Variants in SMAP1 observed in about 807,000 individuals in gnomAD.
The protein encoded by SMAP1 is small ArfGAP 1, also known as stromal membrane-associated protein 1.
In SMAP1, 24 loss-of-function variants were observed where a neutral mutation model predicts 58.5. The ratio of observed to expected loss-of-function variants is 0.41; its 90% CI spans 0.30 to 0.58. SMAP1 has a LOEUF of 0.58. Among genes scored for constraint, SMAP1 ranks in the 20% least tolerant of loss-of-function variants. The pLI, the probability that SMAP1 is intolerant of heterozygous loss-of-function variation, is 0.29. For missense variants in SMAP1, 563 were observed against 566.3 expected, an observed-to-expected ratio of 0.99 and a Z score of 0.06; for synonymous variants, 216 against 196.6, an observed-to-expected ratio of 1.10 and a Z score of -0.82.
intron 1 of SMAP1, among the ~76,000 whole-genome samples, chr6:70,713,434 C>G (rs1577110): frequency 6.6e-6 from 1 of 151,830 alleles, no homozygotes; most frequent in East Asian, 1.9e-4. Flanking sequence ...TGCTGTATCA[C>G]GTAAGTTTTG....
In SMAP1 at chr6:70,810,264, C is replaced by G. The variant is rs544283086; in HGVS notation, c.576+11527C>G. Among the ~76,000 whole-genome samples, 201 of 152,284 alleles carry G rather than the reference C, an allele frequency of 1.3e-3. 2 individuals are homozygous for G. The highest frequency in any genetic ancestry group is 4.6e-3 in the African/African-American group (193 of 41,540). On this transcript the variant is annotated intron_variant, in intron 6 of 10. Transcript: ENST00000370455. ...AGGATCCTTCTGTCTCAGCCTTCTG[C>G]ACCTGACTAGCTGGGACTGCAGGCA... is the stretch of plus-strand genomic sequence containing the variant.
At chr6:70,805,282 T>G (rs1287853601) in intron 6 of SMAP1, among the ~76,000 whole-genome samples, 3 of 152,212 alleles carry the variant, frequency 2.0e-5, no homozygotes, top group Non-Finnish European at 2.9e-5. Context: ...TTCCTTCCAC[T>G]TGATCAAATC....
chr6:70,831,614 C>T (rs934672613), intron 6 of SMAP1, among the ~76,000 whole-genome samples: 14 of 152,126 alleles, frequency 9.2e-5, no homozygotes, highest in Admixed American at 3.3e-4. Context: ...TTTTTTATGG[C>T]TGTATAGTAT....
At chr6:70,671,581 G>A (rs1419684213) in intron 1 of SMAP1, among the ~76,000 whole-genome samples, 1 of 152,018 alleles carries the variant, frequency 6.6e-6, no homozygotes, top group Non-Finnish European at 1.5e-5. Context: ...CCGTCTCAGG[G>A]AAAAACAAAA....
At chr6:70,749,263 G>C (rs957194807) in intron 2 of SMAP1, among the ~76,000 whole-genome samples, 27 of 152,076 alleles carry the variant, frequency 1.8e-4, no homozygotes, top group Non-Finnish European at 3.7e-4. Flanking sequence ...GAACAGCATG[G>C]GGGAACAGAT....
chr6:70,857,280 C>T (rs1771467092), intron 9 of SMAP1: 1 of 306,924 alleles, frequency 3.3e-6, no homozygotes, highest in Non-Finnish European at 6.0e-6. Context: ...GTTTCACAAG[C>T]TTATAGAACA....
chr6:70,806,862 A>G (rs930475411), intron 6 of SMAP1, among the ~76,000 whole-genome samples: 1 of 152,208 alleles, frequency 6.6e-6, no homozygotes, highest in Non-Finnish European at 1.5e-5. Context: ...CGAAGGACCT[A>G]AAGTCTCTCA....
intron 4 of SMAP1, among the ~76,000 whole-genome samples, chr6:70,780,541 G>A (rs915137797): frequency 2.6e-5 from 4 of 152,090 alleles, no homozygotes; most frequent in Non-Finnish European, 5.9e-5. Context: ...TGATCACACC[G>A]CTGTACTACT....
chr6:70,676,771 A>G (rs1334255012), intron 1 of SMAP1, among the ~76,000 whole-genome samples: 1 of 152,088 alleles, frequency 6.6e-6, no homozygotes, highest in Non-Finnish European at 1.5e-5. Context: ...ACTAAAGTTT[A>G]TTTTATTTAT....
At chr6:70,822,014 T>C (rs1364611023) in intron 6 of SMAP1, among the ~76,000 whole-genome samples, 1 of 152,194 alleles carries the variant, frequency 6.6e-6, no homozygotes, top group African/African-American at 2.4e-5. Context: ...TGCAGAGCTT[T>C]CATTTCCTAG....
chr6:70,787,849 T>G (rs74909977), intron 4 of SMAP1, among the ~76,000 whole-genome samples: 102,228 of 150,840 alleles, frequency 0.68, 35,966 homozygotes, highest in African/African-American at 0.87. Context: ...TACACTGTTG[T>G]TGGGACTGTA....
intron 6 of SMAP1, among the ~76,000 whole-genome samples, chr6:70,802,405 A>G (rs535241442): frequency 2.6e-5 from 4 of 152,256 alleles, no homozygotes; most frequent in East Asian, 1.9e-4. Flanking sequence ...AGGAGATTTT[A>G]GGCTGAGACG....
At chr6:70,715,322 C>T (rs2149841358) in intron 1 of SMAP1, among the ~76,000 whole-genome samples, 1 of 152,116 alleles carries the variant, frequency 6.6e-6, no homozygotes, top group African/African-American at 2.4e-5. Flanking sequence ...TCTCAAACTC[C>T]TGGGCTCAGT....
chr6:70,706,866 G>A (rs1054406620), intron 1 of SMAP1, among the ~76,000 whole-genome samples: 3 of 152,108 alleles, frequency 2.0e-5, no homozygotes, highest in African/African-American at 7.2e-5. Flanking sequence ...GAATAAATGA[G>A]TTGCTAATGT....
chr6:70,714,280 T>C (rs898024836), intron 1 of SMAP1, among the ~76,000 whole-genome samples: 2 of 152,164 alleles, frequency 1.3e-5, no homozygotes, highest in Admixed American at 6.5e-5. Flanking sequence ...TGTTAACTGT[T>C]TTCTGTTTGT....
intron 1 of SMAP1, among the ~76,000 whole-genome samples, chr6:70,719,081 T>TA (rs1398519912): frequency 6.6e-6 from 1 of 152,160 alleles, no homozygotes; most frequent in Non-Finnish European, 1.5e-5. Flanking sequence ...TTTGATATCT[T>TA]ATGGACTCTT....
intron 1 of SMAP1, among the ~76,000 whole-genome samples, chr6:70,724,985 T>C (rs562539729): frequency 9.8e-4 from 149 of 151,874 alleles, no homozygotes; most frequent in African/African-American, 3.4e-3. Flanking sequence ...TATTTAAACT[T>C]TTGGGTTGAA....
intron 4 of SMAP1, among the ~76,000 whole-genome samples, chr6:70,786,855 C>T (rs1036552533): frequency 6.6e-6 from 1 of 152,284 alleles, no homozygotes; most frequent in East Asian, 1.9e-4. Flanking sequence ...GAATCAATAT[C>T]ATGAAAATGG....
chr6:70,798,746 CT>C lies in SMAP1; in HGVS notation c.576+16del, dbSNP rs769183206. On this transcript the variant is annotated intron_variant, in intron 6 of 10. Coordinates refer to ENST00000370455, the MANE Select transcript of SMAP1 (RefSeq NM_001044305.3). ...CACTTACAGCTGAAAAGGTAAAATT[CT>C]TTTTTTAAAAATAATCTATTAGGAT... 2.1e-5 allele frequency: 33 copies of C among 1,538,244 alleles called. No homozygotes were observed. In the East Asian group the frequency reaches 6.9e-4, roughly 32 times the overall value.
Sources: gnomAD v4.1 joint callset for allele counts (sites outside exome capture counted in the v4.1 genomes callset) on GRCh38, gnomAD v4.1.1 for gene constraint, MANE v1.5 for transcripts, NCBI Gene and HGNC (gene_info 2026-07-23, HGNC 2026-07-21) for gene names.